Variants in SEMA3A observed in about 807,000 individuals in gnomAD.
SEMA3A encodes the protein semaphorin-3A.
In SEMA3A, 29 loss-of-function variants were observed where a neutral mutation model predicts 97.9. That is an observed-to-expected ratio of 0.30 (90% confidence interval 0.22 to 0.40). SEMA3A has a LOEUF of 0.40. Among genes scored for constraint, SEMA3A ranks in the 10% least tolerant of loss-of-function variants. The pLI is 1.00. For synonymous variants in SEMA3A, 321 were observed against 323.7 expected (o/e 0.99, Z 0.09); for missense variants, 763 against 951.3 (o/e 0.80, Z 2.60).
At chr7:84,350,191 A>G (rs1424106208) in intron 2 of SEMA3A, among the ~76,000 whole-genome samples, 1 of 152,144 alleles carries the variant, frequency 6.6e-6, no homozygotes, top group Non-Finnish European at 1.5e-5. Flanking sequence ...TGTTTCTCAT[A>G]CCAATTCATA....
At chr7:84,078,767 C>T (rs528665029) in intron 4 of SEMA3A, among the ~76,000 whole-genome samples, 9 of 151,776 alleles carry the variant, frequency 5.9e-5, no homozygotes, top group Admixed American at 2.0e-4. Flanking sequence ...TATATATACA[C>T]ACATACTGCT....
intron 3 of SEMA3A, among the ~76,000 whole-genome samples, chr7:84,232,286 T>C (rs1373869430): frequency 6.7e-6 from 1 of 148,220 alleles, no homozygotes; most frequent in Non-Finnish European, 1.5e-5. Flanking sequence ...TATATAAATA[T>C]ATATATTTAC....
chr7:84,413,361 C>T (rs1239768878), intron 1 of SEMA3A, among the ~76,000 whole-genome samples: 1 of 152,036 alleles, frequency 6.6e-6, no homozygotes, highest in Non-Finnish European at 1.5e-5. Flanking sequence ...AGTGTGGTGC[C>T]TCATACCTGT....
rs972904558 is a variant in SEMA3A at position 84,213,674 on chromosome 7, A to G, written c.-82-19006T>C. On this transcript the variant is annotated intron_variant, in intron 3 of 3. Coordinates refer to the SEMA3A transcript ENST00000424555. ...GTAGTACCACTTTAATTAAAGATAAATCTTTCTCTATTTGAGTTTTCTCAT... is the reference window on the plus strand; with the variant it reads ...GTAGTACCACTTTAATTAAAGATAAGTCTTTCTCTATTTGAGTTTTCTCAT... 2.6e-5 allele frequency among the ~76,000 whole-genome samples: 4 copies of G among 152,246 alleles called. No individual in the cohort carries two copies. In the South Asian group the frequency reaches 8.3e-4, roughly 32 times the overall value.
At chr7:84,050,884 G>C (rs1440241236) in intron 5 of SEMA3A, among the ~76,000 whole-genome samples, 1 of 151,114 alleles carries the variant, frequency 6.6e-6, no homozygotes, top group Non-Finnish European at 1.5e-5. Context: ...ATTGATTTTT[G>C]TATAAGGTGT....
intron 2 of SEMA3A, among the ~76,000 whole-genome samples, chr7:84,344,389 G>C (rs891597226): frequency 4.6e-5 from 7 of 152,154 alleles, no homozygotes; most frequent in African/African-American, 7.2e-5. Context: ...CAATTAATAA[G>C]GTGAGCCCTA....
At chr7:84,205,768 T>C (rs1016390410) in intron 3 of SEMA3A, among the ~76,000 whole-genome samples, 9 of 152,202 alleles carry the variant, frequency 5.9e-5, no homozygotes, top group Non-Finnish European at 1.2e-4. Context: ...ATCCAGAATT[T>C]TGAAAGTTCA....
chr7:84,403,236 A>G (rs185944492), intron 1 of SEMA3A, among the ~76,000 whole-genome samples: 192 of 152,338 alleles, frequency 1.3e-3, no homozygotes, highest in African/African-American at 4.4e-3. Context: ...CAAACGGCAC[A>G]CCAGGAGATT....
chr7:84,099,537 C>T (rs931476559), intron 4 of SEMA3A, among the ~76,000 whole-genome samples: 1 of 152,102 alleles, frequency 6.6e-6, no homozygotes, highest in Non-Finnish European at 1.5e-5. Context: ...TTATGCACAA[C>T]ATAAATGCAG....
intron 1 of SEMA3A, among the ~76,000 whole-genome samples, chr7:84,194,220 G>A (rs955643763): frequency 6.6e-6 from 1 of 152,076 alleles, no homozygotes; most frequent in Non-Finnish European, 1.5e-5. Context: ...ACAGATCAGC[G>A]TGTACCAGGC....
upstream of SEMA3A, chr7:84,194,878 A>G (rs921810429): frequency 1.8e-4 from 47 of 262,200 alleles, no homozygotes; most frequent in Admixed American, 2.6e-4. Context: ...AAAAAAATTA[A>G]CAAGGTCTGC....
chr7:84,107,715 T>C (rs1183218817), intron 4 of SEMA3A, among the ~76,000 whole-genome samples: 1 of 152,180 alleles, frequency 6.6e-6, no homozygotes, highest in Non-Finnish European at 1.5e-5. Flanking sequence ...CAATGAGTAG[T>C]TGATGAGTGG....
chr7:84,238,627 A>G (rs753544466), intron 3 of SEMA3A, among the ~76,000 whole-genome samples: 1 of 152,214 alleles, frequency 6.6e-6, no homozygotes, highest in Non-Finnish European at 1.5e-5. Flanking sequence ...TTCTGAAACA[A>G]TTTTAAATAA....
intron 3 of SEMA3A, among the ~76,000 whole-genome samples, chr7:84,119,352 T>G (rs1396014696): frequency 6.6e-6 from 1 of 152,134 alleles, no homozygotes; most frequent in African/African-American, 2.4e-5. Flanking sequence ...AAGTCAAGAT[T>G]CTGCATCTCT....
chr7:84,341,190 T>C (rs1418846513), intron 2 of SEMA3A, among the ~76,000 whole-genome samples: 1 of 152,222 alleles, frequency 6.6e-6, no homozygotes, highest in East Asian at 1.9e-4. Flanking sequence ...ACATCAACCA[T>C]ATGGTATGCA....
At chr7:83,962,888 T>A (rs539547762) in intron 16 of SEMA3A, among the ~76,000 whole-genome samples, 3 of 152,274 alleles carry the variant, frequency 2.0e-5, no homozygotes, top group Non-Finnish European at 2.9e-5. Context: ...GGTTTTTTTT[T>A]ATTTGTGCAC....
At chr7:84,424,626 T>TATATAATATAATATATA (rs1804718896) in intron 1 of SEMA3A, among the ~76,000 whole-genome samples, 1 of 33,628 alleles carries the variant, frequency 3.0e-5, no homozygotes. Context: ...TAATATATAA[T>TATATAATATAATATATA]ATATATACAA....
intron 13 of SEMA3A, among the ~76,000 whole-genome samples, chr7:83,984,036 T>C (rs1789528402): frequency 6.6e-6 from 1 of 152,180 alleles, no homozygotes; most frequent in Middle Eastern, 3.2e-3. Flanking sequence ...CATGGTATTT[T>C]AAACTGATAG....
intron 1 of SEMA3A, among the ~76,000 whole-genome samples, chr7:84,436,297 A>T (rs1805127847): frequency 6.6e-6 from 1 of 152,210 alleles, no homozygotes; most frequent in Admixed American, 6.5e-5. Flanking sequence ...TAAGTCCTCA[A>T]AAGTAATTCT....
Sources: allele counts gnomAD v4.1 joint callset (sites outside exome capture counted in the v4.1 genomes callset), GRCh38; gene constraint gnomAD v4.1.1; transcripts MANE v1.5; gene names NCBI Gene and HGNC (gene_info 2026-07-23, HGNC 2026-07-21).